TIPIN: variants seen among roughly 807,000 people sequenced by gnomAD.
TIPIN encodes the protein TIMELESS interacting protein.
Under a neutral mutation model 35.6 loss-of-function variants are expected in TIPIN, and 29 were observed. The observed-to-expected ratio is 0.82, with a 90% CI of 0.61 to 1.11. The LOEUF is 1.11. Among genes scored for constraint, TIPIN ranks in the 50% most tolerant of loss-of-function variants. The pLI, the probability that TIPIN is intolerant of heterozygous loss-of-function variation, is 0.00. For missense variants in TIPIN, 296 were observed against 345.4 expected (o/e 0.86, Z 1.13); for synonymous variants, 102 against 121.5 (o/e 0.84, Z 1.06).
chr15:66,355,610 G>A (rs926063795), intron 1 of TIPIN, among the ~76,000 whole-genome samples: 11 of 151,944 alleles, frequency 7.2e-5, no homozygotes, highest in Admixed American at 4.6e-4. Flanking sequence ...AATTAGCGGG[G>A]CGTGGTGGCA....
intron 1 of TIPIN, among the ~76,000 whole-genome samples, chr15:66,383,200 T>C (rs908808683): frequency 3.3e-5 from 5 of 152,176 alleles, no homozygotes; most frequent in African/African-American, 7.2e-5. Context: ...TTTGAACTAG[T>C]AAATATAAAA....
rs1329518055 is a variant in TIPIN at position 66,336,891 on chromosome 15, A to G, written c.*67T>C. 1 of 1,416,668 alleles carries G rather than the reference A, an allele frequency of 7.1e-7. No homozygotes were observed. The allele number at this position is 1,416,668 out of a possible 1,614,324, so 87.8% of individuals were successfully genotyped here. A position where few individuals can be genotyped will look rare whatever the true frequency, so the allele number is the denominator to read the frequency against. On this transcript the variant is annotated 3_prime_UTR_variant, in exon 8 of 8. Coordinates refer to ENST00000261881, the MANE Select transcript of TIPIN (RefSeq NM_017858.3). ...CTAAGGATTTTCACTCCAAGAAGAAAAAATACATAGTAACGCCAAGCTTGC... is the reference window on the plus strand; with the variant it reads ...CTAAGGATTTTCACTCCAAGAAGAAGAAATACATAGTAACGCCAAGCTTGC...
chr15:66,378,487 T>C (rs1304547004), intron 1 of TIPIN, among the ~76,000 whole-genome samples: 1 of 152,182 alleles, frequency 6.6e-6, no homozygotes, highest in African/African-American at 2.4e-5. Flanking sequence ...TTGCAGATAT[T>C]GTAAATGTTT....
chr15:66,341,956 C>T (rs1259311483), intron 6 of TIPIN, among the ~76,000 whole-genome samples: 3 of 152,014 alleles, frequency 2.0e-5, no homozygotes, highest in African/African-American at 4.8e-5. Context: ...GAAGCCGAGG[C>T]GGGTGGATCA....
intron 6 of TIPIN, 97 bp from the exon 7 acceptor site, chr15:66,341,453 G>C (rs2093086300): frequency 9.7e-7 from 1 of 1,032,214 alleles, no homozygotes; most frequent in Non-Finnish European, 1.4e-6. Context: ...TGACAGACCT[G>C]AAAAAACAAT....
chr15:66,377,585 G>A (rs1206068190), intron 1 of TIPIN, among the ~76,000 whole-genome samples: 4 of 151,976 alleles, frequency 2.6e-5, no homozygotes, highest in Admixed American at 6.6e-5. Flanking sequence ...GGCTGGTCTC[G>A]AACTCCTGAC....
chr15:66,367,401 C>CT (rs72031636), intron 1 of TIPIN, among the ~76,000 whole-genome samples: 18,018 of 146,460 alleles, frequency 0.12, 1,207 homozygotes, highest in Non-Finnish European at 0.15. Context: ...GCAAGTCTGT[C>CT]TTTTTTTTTT....
chr15:66,349,878 CA>C (rs200525926), intron 4 of TIPIN, among the ~76,000 whole-genome samples: 2 of 151,074 alleles, frequency 1.3e-5, no homozygotes, highest in Admixed American at 6.6e-5. Flanking sequence ...ATCCTATATC[CA>C]AAAAAAAGAG....
At position 66,344,898 on chromosome 15, in the gene TIPIN, T is replaced by A. The variant is rs565990563; in HGVS notation, c.476-3542A>T. ...AAATAAGTAAATAAAAATGAAATTT[T>A]AAAAAATTAGAAGTACGCATGAAAT... is the stretch of plus-strand genomic sequence containing the variant. On this transcript the variant is annotated intron_variant, in intron 6 of 7. Transcript: ENST00000261881. Among the ~76,000 whole-genome samples the A allele has an allele frequency of 8.5e-5, 13 of 152,154 alleles. No individual in the cohort carries two copies. The East Asian group carries it at 2.5e-3, about 29-fold the overall frequency.
chr15:66,385,854 A>G (rs2093335880), intron 1 of TIPIN, among the ~76,000 whole-genome samples: 1 of 151,820 alleles, frequency 6.6e-6, no homozygotes, highest in Admixed American at 6.6e-5. Flanking sequence ...GTGTGATCAT[A>G]GCTCACTGCA....
At chr15:66,379,950 A>T (rs1266108926) in intron 1 of TIPIN, 6 of 899,848 alleles carry the variant, frequency 6.7e-6, no homozygotes, top group Non-Finnish European at 8.3e-6. Flanking sequence ...CCTGGAATTT[A>T]TTATAGGATA....
rs541796098 is a variant in TIPIN at position 66,372,077 on chromosome 15, A to G, written c.-9+14530T>C. 2.0e-5 allele frequency among the ~76,000 whole-genome samples: 3 copies of G among 152,272 alleles called. No individual in the cohort carries two copies. The South Asian group carries it at 6.2e-4, about 32-fold the overall frequency. On this transcript the variant is annotated intron_variant, in intron 1 of 7. Transcript: ENST00000562124. ...CCCAAAGTGTTGGGATTACAGGCAT[A>G]AGCCACTGTGCCTAGTTGGTAATTG...
chr15:66,350,754 C>T (rs1278426241), intron 4 of TIPIN, among the ~76,000 whole-genome samples: 2 of 151,222 alleles, frequency 1.3e-5, no homozygotes, highest in African/African-American at 4.9e-5. Context: ...ACGGTGAAAC[C>T]CCGTCTCTAC....
intron 1 of TIPIN, among the ~76,000 whole-genome samples, chr15:66,385,072 G>A (rs565976540): frequency 3.3e-5 from 5 of 152,186 alleles, no homozygotes; most frequent in Non-Finnish European, 7.3e-5. Flanking sequence ...GCTCTGTCAT[G>A]CTTAATATAT....
upstream of TIPIN, among the ~76,000 whole-genome samples, chr15:66,358,512 C>A (rs1373417578): frequency 6.6e-6 from 1 of 151,394 alleles, no homozygotes; most frequent in African/African-American, 2.4e-5. Flanking sequence ...CAGCTAGAAT[C>A]AGGTGATCCT....
intron 1 of TIPIN, among the ~76,000 whole-genome samples, chr15:66,361,919 C>T (rs2093233060): frequency 6.6e-6 from 1 of 152,042 alleles, no homozygotes. Flanking sequence ...TGGGGGGATG[C>T]AGTGAGCCGA....
rs1224024308 is a variant in TIPIN at position 66,355,128 on chromosome 15, G to A, written c.-9+1511C>T. On this transcript the variant is annotated intron_variant, in intron 1 of 7. Coordinates refer to ENST00000261881, the MANE Select transcript of TIPIN (RefSeq NM_017858.3). Reference sequence around the variant, plus strand: ...TGCTCACTGCAAGCTCCGCCTCCCGGGTTCTCGCCATTCTCCTGCCTCAGC... The same window carrying A: ...TGCTCACTGCAAGCTCCGCCTCCCGAGTTCTCGCCATTCTCCTGCCTCAGC... Among the ~76,000 whole-genome samples, 5 of 150,312 alleles carry A rather than the reference G, an allele frequency of 3.3e-5. No homozygotes were observed. In the East Asian group the frequency reaches 1.0e-3, roughly 30 times the overall value.
intron 1 of TIPIN, among the ~76,000 whole-genome samples, chr15:66,380,565 A>G (rs1039794144): frequency 1.3e-5 from 2 of 151,960 alleles, no homozygotes; most frequent in Non-Finnish European, 2.9e-5. Context: ...CTGTAATCCC[A>G]GCACTTTGGG....
At chr15:66,364,158 C>CT (rs747825457) in intron 1 of TIPIN, among the ~76,000 whole-genome samples, 2,401 of 73,756 alleles carry the variant, frequency 0.033, 77 homozygotes, top group Non-Finnish European at 0.039. Flanking sequence ...TCTTTCTTTT[C>CT]TTTTTTTTTT....
Sources: gnomAD v4.1 joint callset for allele counts (sites outside exome capture counted in the v4.1 genomes callset) on GRCh38, gnomAD v4.1.1 for gene constraint, MANE v1.5 for transcripts, NCBI Gene and HGNC (gene_info 2026-07-23, HGNC 2026-07-21) for gene names.